MAGI3: variants seen among roughly 807,000 people sequenced by gnomAD.
MAGI3 encodes membrane-associated guanylate kinase, WW and PDZ domain-containing protein 3.
MAGI3 carries 43 observed loss-of-function variants against 121.8 expected under a neutral mutation model. The observed-to-expected ratio is 0.35, with a 90% CI of 0.28 to 0.46. The LOEUF (loss-of-function observed/expected upper bound fraction) is 0.46. Among genes scored for constraint, MAGI3 ranks in the 20% least tolerant of loss-of-function variants. The probability of loss-of-function intolerance (pLI) is 1.00; values close to 1 mark genes in which losing one functional copy is unlikely to be tolerated. For missense variants in MAGI3, 1,547 were observed against 1,797.3 expected (o/e 0.86, Z 2.52); for synonymous variants, 553 against 639.3 (o/e 0.86, Z 2.04).
At chr1:113,533,085 C>A (rs1356722766) in intron 1 of MAGI3, among the ~76,000 whole-genome samples, 1 of 152,118 alleles carries the variant, frequency 6.6e-6, no homozygotes, top group Non-Finnish European at 1.5e-5. Context: ...TTTATTTTTT[C>A]ATCACAGTAG....
intron 2 of MAGI3, among the ~76,000 whole-genome samples, chr1:113,554,214 G>T (rs969310266): frequency 6.6e-6 from 1 of 152,132 alleles, no homozygotes; most frequent in African/African-American, 2.4e-5. Flanking sequence ...TTAGTTATTA[G>T]AAATATGCTC....
chr1:113,494,781 G>A (rs553445579), intron 1 of MAGI3, among the ~76,000 whole-genome samples: 17 of 152,274 alleles, frequency 1.1e-4, no homozygotes, highest in African/African-American at 3.6e-4. Flanking sequence ...TGATTGCTCA[G>A]CCAAGGGTTC....
At chr1:113,643,135 T>C (rs1377418491) in intron 10 of MAGI3, among the ~76,000 whole-genome samples, 1 of 152,236 alleles carries the variant, frequency 6.6e-6, no homozygotes, top group African/African-American at 2.4e-5. Context: ...CTCCCAGACA[T>C]TTACAAATTC....
chr1:113,493,140 G>A (rs543805346), intron 1 of MAGI3, among the ~76,000 whole-genome samples: 32 of 152,086 alleles, frequency 2.1e-4, no homozygotes, highest in Non-Finnish European at 4.1e-4. Context: ...ACTTAAAACC[G>A]TACTACAGGG....
chr1:113,585,371 A>G lies in MAGI3; in HGVS notation c.554-16A>G. On this transcript the variant is annotated splice_polypyrimidine_tract_variant and intron_variant, in intron 3 of 20. Transcript: ENST00000307546. The stretch of plus-strand genomic sequence containing the variant: ...TGCAACATTAGTAATTTCAGCTGCT[A>G]TTTTATTCACTTCAGGAAACTTCTA... The G allele has an allele frequency of 6.2e-7, 1 of 1,611,438 alleles. No homozygotes were observed.
intron 1 of MAGI3, among the ~76,000 whole-genome samples, chr1:113,393,653 G>A (rs947661694): frequency 2.0e-5 from 3 of 152,126 alleles, no homozygotes; most frequent in Non-Finnish European, 2.9e-5. Context: ...ATTTGAAGAG[G>A]TTATCTGTAG....
At chr1:113,395,416 A>C (rs1651059092) in intron 1 of MAGI3, among the ~76,000 whole-genome samples, 1 of 151,710 alleles carries the variant, frequency 6.6e-6, no homozygotes, top group Admixed American at 6.6e-5. Flanking sequence ...TAAAGCTCTT[A>C]ATAACTCAGG....
chr1:113,395,822 A>C lies in MAGI3; in HGVS notation c.316+4473A>C, dbSNP rs190058352. Among the ~76,000 whole-genome samples the C allele has an allele frequency of 4.5e-3, 689 of 152,164 alleles. 8 individuals carry two copies. Among genetic ancestry groups the C allele is most frequent in the African/African-American group, 0.016 (663 of 41,544 alleles). ...TTTCCTAGGTTGAGGCATTTTAATA[A>C]TTCTTTAATTTCTTGCTATCTTACT... On this transcript the variant is annotated intron_variant, in intron 1 of 20. Transcript: ENST00000307546.
At chr1:113,662,237 T>A (rs1571016996) in intron 16 of MAGI3, among the ~76,000 whole-genome samples, 1 of 152,208 alleles carries the variant, frequency 6.6e-6, no homozygotes, top group Non-Finnish European at 1.5e-5. Context: ...TGTTTAATAT[T>A]TGTGCCTATG....
chr1:113,517,850 G>A (rs190009562), intron 1 of MAGI3, among the ~76,000 whole-genome samples: 127 of 151,630 alleles, frequency 8.4e-4, no homozygotes, highest in East Asian at 3.1e-3. Flanking sequence ...CTGAATATGT[G>A]GGAGTCATCC....
At chr1:113,486,956 CTGCCTTGACTTTCCAAAG>C (rs1656411370) in intron 1 of MAGI3, among the ~76,000 whole-genome samples, 2 of 152,308 alleles carry the variant, frequency 1.3e-5, no homozygotes, top group South Asian at 4.1e-4. Flanking sequence ...AGCAATACTC[CTGCCTTGACTTTCCAAAG>C]TGCTAGGATT....
In MAGI3 at chr1:113,673,365, G is replaced by A. The variant is rs937941419; in HGVS notation, c.3089G>A (p.Gly1030Asp). 1 of 1,611,876 alleles carries A rather than the reference G, an allele frequency of 6.2e-7. No homozygotes were observed. Among genetic ancestry groups the A allele is most frequent in the Non-Finnish European group, 8.5e-7 (1 of 1,179,632 alleles). The change falls in exon 19 of 21, where the codon GGC (glycine) becomes GAC (aspartate). Residue 1030 changes from glycine to aspartate, a missense_variant. Physicochemically the swap from Gly to Asp is moderately conservative, Grantham distance 94 (BLOSUM62 -1). Transcript: ENST00000307546. ...GTAGAGCTGGAGAGAGGCCCCCGGG[G>A]CTTTGGATTCAGCCTCCGAGGGGGG... Reference protein sequence around the residue: ...YPVELERGPRGFGFSLRGGKE... With the variant: ...YPVELERGPRDFGFSLRGGKE...
chr1:113,450,643 C>T, intron 1 of MAGI3: 1 of 1,013,140 alleles, frequency 9.9e-7, no homozygotes. Flanking sequence ...TGAAAGGGGA[C>T]AGTTCTGGTG....
intron 12 of MAGI3, 97 bp from the exon 13 acceptor site, chr1:113,649,140 T>A (rs1323318786): frequency 7.5e-6 from 6 of 798,676 alleles, no homozygotes; most frequent in Non-Finnish European, 7.4e-6. Context: ...TATAGTTTAT[T>A]GAGTTACTCT....
intron 2 of MAGI3, among the ~76,000 whole-genome samples, chr1:113,555,864 G>A (rs1659969279): frequency 6.6e-6 from 1 of 151,798 alleles, no homozygotes; most frequent in African/African-American, 2.4e-5. Flanking sequence ...AATCATGTCA[G>A]GAATGAGACC....
At chr1:113,619,185 A>G (rs77911012) in intron 7 of MAGI3, among the ~76,000 whole-genome samples, 3,545 of 152,306 alleles carry the variant, frequency 0.023, 145 homozygotes, top group African/African-American at 0.08. Flanking sequence ...TATAATTATG[A>G]AGAAATTTAA....
rs551196385 is a variant in MAGI3 at position 113,391,173 on chromosome 1, G to T, written c.140G>T (p.Arg47Leu). 28 of 1,553,650 alleles carry T rather than the reference G, an allele frequency of 1.8e-5. No homozygotes were observed. Among genetic ancestry groups the T allele is most frequent in the Non-Finnish European group, 2.3e-5 (26 of 1,149,196 alleles). Residue 47 changes from arginine to leucine, a missense_variant, in exon 1 of 21, where the codon CGG becomes CTG. By Grantham distance (102) the Arg-to-Leu change is moderately radical. Coordinates refer to ENST00000307546, the MANE Select transcript of MAGI3 (RefSeq NM_001142782.2). This position sits in a 1 kb window ranked among gnomAD's most constrained non-coding sequence, Gnocchi z 4.4. The stretch of plus-strand genomic sequence containing the variant: ...CGTGGCGAGTTCCCCTACCTGGGGC[G>T]GCTCCGCGAGGAGCCCGGCGGGGGC... The part of the protein sequence containing the change: ...AERGEFPYLG[R>L]LREEPGGGTC...
chr1:113,616,885 C>CTTTTTT (rs36011283), intron 7 of MAGI3, among the ~76,000 whole-genome samples: 1 of 134,140 alleles, frequency 7.5e-6, no homozygotes, highest in Non-Finnish European at 1.6e-5. Context: ...ACAACTAAAA[C>CTTTTTT]TTTTTTTTTT....
At chr1:113,585,995 T>G (rs1648343899) in intron 4 of MAGI3, among the ~76,000 whole-genome samples, 1 of 152,208 alleles carries the variant, frequency 6.6e-6, no homozygotes, top group Non-Finnish European at 1.5e-5. Flanking sequence ...GAAAGTATGC[T>G]GATAAAAATT....
Sources: allele counts gnomAD v4.1 joint callset (sites outside exome capture counted in the v4.1 genomes callset), GRCh38; gene constraint gnomAD v4.1.1; non-coding constraint Gnocchi (gnomAD v3.1); transcripts MANE v1.5; gene names NCBI Gene and HGNC (gene_info 2026-07-23, HGNC 2026-07-21).